EGLN3: variants seen among roughly 807,000 people sequenced by gnomAD.
EGLN3 encodes egl-9 family hypoxia inducible factor 3, also known as prolyl hydroxylase EGLN3.
Under a neutral mutation model 26.0 loss-of-function variants are expected in EGLN3, and 15 were observed. That is an observed-to-expected ratio of 0.58 (90% CI 0.39 to 0.89). The LOEUF (loss-of-function observed/expected upper bound fraction) is 0.89. Ranked by LOEUF, EGLN3 falls within the 40% of genes least tolerant of loss-of-function variation. The pLI, the probability that EGLN3 is intolerant of heterozygous loss-of-function variation, is 0.00. For missense variants in EGLN3, 238 were observed against 311.6 expected, an observed-to-expected ratio of 0.76 and a Z score of 1.78; for synonymous variants, 147 against 127.2, an observed-to-expected ratio of 1.16 and a Z score of -1.05.
chr14:33,942,289 T>G (rs1874775249), intron 1 of EGLN3, among the ~76,000 whole-genome samples: 1 of 147,780 alleles, frequency 6.8e-6, no homozygotes, highest in Non-Finnish European at 1.5e-5. Context: ...GGAAAGAAAG[T>G]TTAGTTAAAA....
At chr14:33,927,346 T>G (rs563909057) in intron 3 of EGLN3, among the ~76,000 whole-genome samples, 1 of 152,148 alleles carries the variant, frequency 6.6e-6, no homozygotes, top group South Asian at 2.1e-4. Context: ...TTTTTAAATT[T>G]TTAGTAGAGA....
chr14:33,943,619 G>A (rs567965966), intron 1 of EGLN3, among the ~76,000 whole-genome samples: 59 of 152,300 alleles, frequency 3.9e-4, no homozygotes, highest in African/African-American at 1.4e-3. Flanking sequence ...TGCAAAGTTG[G>A]GTCAAAAGCA....
chr14:33,937,481 T>TA (rs1338727370), intron 1 of EGLN3, among the ~76,000 whole-genome samples: 1 of 152,136 alleles, frequency 6.6e-6, no homozygotes, highest in Middle Eastern at 3.2e-3. Context: ...AAAGAGAAAA[T>TA]ACACTTTTGG....
At chr14:33,933,231 T>A (rs1392473443) in intron 1 of EGLN3, among the ~76,000 whole-genome samples, 1 of 149,776 alleles carries the variant, frequency 6.7e-6, no homozygotes, top group Admixed American at 6.7e-5. Context: ...GATCTAAGCA[T>A]CAACCCTTGA....
At chr14:33,943,015 C>T (rs1313791673) in intron 1 of EGLN3, among the ~76,000 whole-genome samples, 2 of 152,178 alleles carry the variant, frequency 1.3e-5, no homozygotes, top group South Asian at 2.1e-4. Flanking sequence ...GTGTTAGGAC[C>T]GGGGCAGGAA....
chr14:33,925,872 A>G lies in EGLN3; in HGVS notation c.*19T>C. On this transcript the variant is annotated 3_prime_UTR_variant, in exon 5 of 5. Transcript: ENST00000250457. ...AACCGTTACTAAAATGAACAAGGCC[A>G]GCAGATTTCAGAGCACGGTCAGTCT... The G allele has an allele frequency of 6.2e-7, 1 of 1,613,984 alleles. No individual in the cohort carries two copies. The highest frequency in any genetic ancestry group is 1.1e-5 in the South Asian group (1 of 91,080).
chr14:33,928,254 T>G (rs2064376206), intron 3 of EGLN3, among the ~76,000 whole-genome samples: 1 of 152,208 alleles, frequency 6.6e-6, no homozygotes. Context: ...GCTGTGTGAC[T>G]TCCGGAGGAG....
chr14:33,937,867 G>A (rs1208726223), intron 1 of EGLN3, among the ~76,000 whole-genome samples: 1 of 152,106 alleles, frequency 6.6e-6, no homozygotes, highest in East Asian at 1.9e-4. Context: ...AGTAATAACC[G>A]ACTCTCGGTT....
At chr14:33,927,978 T>C (rs928886346) in intron 3 of EGLN3, among the ~76,000 whole-genome samples, 1 of 152,128 alleles carries the variant, frequency 6.6e-6, no homozygotes, top group African/African-American at 2.4e-5. Context: ...CATTTTGTAA[T>C]GATTGTTAGC....
intron 1 of EGLN3, among the ~76,000 whole-genome samples, chr14:33,935,584 A>AATACACACAC (rs1478861888): frequency 1.1e-5 from 1 of 94,770 alleles, no homozygotes; most frequent in African/African-American, 3.8e-5. Context: ...GCTATAAATA[A>AATACACACAC]ATACACACAC....
At chr14:33,947,688 T>G (rs61973048) in intron 1 of EGLN3, among the ~76,000 whole-genome samples, 4,099 of 152,254 alleles carry the variant, frequency 0.027, 108 homozygotes, top group Non-Finnish European at 0.046. Context: ...TGAAATTGGG[T>G]GATGGGAGCT....
At chr14:33,935,586 TACACACACACACACACAC>T (rs34931469) in intron 1 of EGLN3, among the ~76,000 whole-genome samples, 1 of 146,804 alleles carries the variant, frequency 6.8e-6, no homozygotes, top group South Asian at 2.2e-4. Context: ...TATAAATAAA[TACACACACACACACACAC>T]ACACACACAC....
Position 33,950,617 on chromosome 14 carries a change from G to C in EGLN3, c.136C>G (p.Arg46Gly). Residue 46 changes from arginine to glycine, a missense_variant, in exon 1 of 5, where the codon CGC (arginine) becomes GGC (glycine). Coordinates refer to ENST00000250457, the MANE Select transcript of EGLN3 (RefSeq NM_022073.4). ...GEVVGDCVLE[R>G]VKQLHCTGAL... ...CCGGTGCAGTGCAGCTGCTTGACGC[G>C]CTCCAGGACGCAGTCGCCCACCACC... 3 of 1,613,754 alleles carry C rather than the reference G, an allele frequency of 1.9e-6. No individual in the cohort carries two copies. Among genetic ancestry groups the C allele is most frequent in the Non-Finnish European group, 2.5e-6 (3 of 1,179,930 alleles).
At chr14:33,943,433 C>T (rs2064496991) in intron 1 of EGLN3, among the ~76,000 whole-genome samples, 1 of 152,188 alleles carries the variant, frequency 6.6e-6, no homozygotes, top group Admixed American at 6.5e-5. Flanking sequence ...AAGCGACACC[C>T]GTTTCTTAGA....
intron 1 of EGLN3, among the ~76,000 whole-genome samples, chr14:33,946,856 A>C (rs2064521569): frequency 6.6e-6 from 1 of 152,240 alleles, no homozygotes; most frequent in East Asian, 1.9e-4. Flanking sequence ...ACTTGCCTAA[A>C]GCCACGAAGT....
intron 1 of EGLN3, chr14:33,948,536 A>C (rs77834806): frequency 6.6e-6 from 1 of 152,210 alleles, no homozygotes. Flanking sequence ...GGTCACCTGG[A>C]AAGTTTTTCA....
chr14:33,928,914 G>A (rs1023287902), intron 3 of EGLN3, among the ~76,000 whole-genome samples, 162 bp downstream of exon 3: 1 of 152,182 alleles, frequency 6.6e-6, no homozygotes, highest in Non-Finnish European at 1.5e-5. Context: ...GCTAAAGAAC[G>A]CAAAGTTTCC....
chr14:33,950,781 C>CTTTTAATGAT lies in EGLN3; in HGVS notation c.-30_-29insATCATTAAAA. 7.3e-7 allele frequency: 1 copy of CTTTTAATGAT among 1,375,986 alleles called. No individual in the cohort carries two copies. Among genetic ancestry groups the CTTTTAATGAT allele is most frequent in the Non-Finnish European group, 9.6e-7 (1 of 1,045,450 alleles). 85.2% of individuals were successfully genotyped at this position (1,375,986 alleles called of 1,614,324 possible). On this transcript the variant is annotated 5_prime_UTR_variant, in exon 1 of 5. Coordinates refer to ENST00000250457, the MANE Select transcript of EGLN3 (RefSeq NM_022073.4). ...GCCCGCAGAATCGAGGTCCGGGATC[C>CTTTTAATGAT]CCAGCGTGCAACCAGAGAGGGAACG...
intron 4 of EGLN3, among the ~76,000 whole-genome samples, chr14:33,926,371 C>T (rs1033158286): frequency 1.3e-5 from 2 of 152,170 alleles, no homozygotes; most frequent in African/African-American, 4.8e-5. Flanking sequence ...ATTTAATATG[C>T]TAGTGAGCAA....
Sources: allele counts gnomAD v4.1 joint callset (sites outside exome capture counted in the v4.1 genomes callset), GRCh38; gene constraint gnomAD v4.1.1; transcripts MANE v1.5; gene names NCBI Gene and HGNC (gene_info 2026-07-23, HGNC 2026-07-21).